The following ZNF804B variants were observed in gnomAD, a reference collection of about 807,000 sequenced individuals.
ZNF804B encodes the protein zinc finger protein 804B, also known as zinc finger 804B.
Under a neutral mutation model 101.4 loss-of-function variants are expected in ZNF804B, and 80 were observed. That is an observed-to-expected ratio of 0.79 (90% confidence interval 0.66 to 0.95). The LOEUF (loss-of-function observed/expected upper bound fraction) is 0.95. ZNF804B is among the 40% of genes least tolerant of loss of function. The probability of loss-of-function intolerance (pLI) is 0.00; values close to 1 mark genes in which losing one functional copy is unlikely to be tolerated. For missense variants in ZNF804B, 1,673 were observed against 1,561.9 expected (o/e 1.07, Z -1.20); for synonymous variants, 622 against 558.8 (o/e 1.11, Z -1.59).
chr7:89,008,578 C>G (rs972996146), intron 1 of ZNF804B, among the ~76,000 whole-genome samples: 8 of 152,172 alleles, frequency 5.3e-5, no homozygotes, highest in African/African-American at 1.9e-4. Context: ...CTCACTGATT[C>G]CAGCACAGTT....
chr7:88,917,542 A>G (rs1376602886), intron 1 of ZNF804B, among the ~76,000 whole-genome samples: 1 of 152,180 alleles, frequency 6.6e-6, no homozygotes, highest in Non-Finnish European at 1.5e-5. Context: ...TCTTTTAAGT[A>G]TGTCTTTGGA....
At chr7:89,302,804 G>A (rs1054947326) in intron 2 of ZNF804B, among the ~76,000 whole-genome samples, 24 of 151,902 alleles carry the variant, frequency 1.6e-4, no homozygotes, top group Admixed American at 4.6e-4. Context: ...CACTGTAGCT[G>A]CATGAATATC....
intron 1 of ZNF804B, among the ~76,000 whole-genome samples, chr7:89,188,906 A>G (rs1788414831): frequency 6.6e-6 from 1 of 152,180 alleles, no homozygotes; most frequent in African/African-American, 2.4e-5. Flanking sequence ...TTACAAGGTG[A>G]TGATGTAGAA....
chr7:89,174,969 T>C (rs1319527015), intron 1 of ZNF804B, among the ~76,000 whole-genome samples: 1 of 152,100 alleles, frequency 6.6e-6, no homozygotes, highest in Admixed American at 6.5e-5. Context: ...TTGTTTGAGC[T>C]CCTTATATAT....
intron 1 of ZNF804B, among the ~76,000 whole-genome samples, chr7:88,923,431 G>T (rs1047798939): frequency 6.6e-6 from 1 of 152,116 alleles, no homozygotes; most frequent in African/African-American, 2.4e-5. Flanking sequence ...TGGAAAATAA[G>T]TCTATAATGT....
intron 1 of ZNF804B, among the ~76,000 whole-genome samples, chr7:89,056,776 C>T (rs1789300709): frequency 1.3e-5 from 2 of 152,106 alleles, no homozygotes; most frequent in Admixed American, 1.3e-4. Flanking sequence ...GGGGGAAACA[C>T]TATAACAAGA....
chr7:88,809,980 G>A (rs1790757399), intron 1 of ZNF804B, among the ~76,000 whole-genome samples: 1 of 152,092 alleles, frequency 6.6e-6, no homozygotes, highest in Non-Finnish European at 1.5e-5. Flanking sequence ...TGTTTTATAT[G>A]ACACAGGTAA....
chr7:88,829,871 A>G (rs1023793675), intron 1 of ZNF804B, among the ~76,000 whole-genome samples: 2 of 152,158 alleles, frequency 1.3e-5, no homozygotes, highest in African/African-American at 4.8e-5. Context: ...ACTGTTTGTA[A>G]TAGTATCATC....
At chr7:89,048,655 T>G (rs1789151989) in intron 1 of ZNF804B, among the ~76,000 whole-genome samples, 1 of 151,978 alleles carries the variant, frequency 6.6e-6, no homozygotes. Context: ...GCTAGTATTT[T>G]GAAAGATGGT....
intron 1 of ZNF804B, among the ~76,000 whole-genome samples, chr7:88,870,495 C>CG (rs1230177326): frequency 1.3e-5 from 2 of 151,562 alleles, no homozygotes; most frequent in African/African-American, 4.9e-5. Context: ...ATTAGAACTG[C>CG]ATCAGCTGAC....
chr7:88,806,627 G>GTGTGTGTGTA (rs917032857), intron 1 of ZNF804B, among the ~76,000 whole-genome samples: 1 of 151,964 alleles, frequency 6.6e-6, no homozygotes, highest in East Asian at 1.9e-4. Flanking sequence ...GTGTGTGTGT[G>GTGTGTGTGTA]TGTGTGTGTA....
In ZNF804B at chr7:89,218,278, G is replaced by T; in HGVS notation, c.232G>T (p.Asp78Tyr). Residue 78 changes from aspartate (D) to tyrosine (Y), a missense_variant, in exon 2 of 4, where the codon GAC becomes TAC. Physicochemically the swap from Asp to Tyr is radical, Grantham distance 160. Coordinates refer to ENST00000333190, the MANE Select transcript of ZNF804B (RefSeq NM_181646.5). ...GTTTGACAATCATATTAATTCTTAT[G>T]ACCATGCTCATAAGCAGGTAAGGCA... ...QEFDNHINSY[D>Y]HAHKQRLKEL... 1.2e-6 allele frequency: 2 copies of T among 1,613,554 alleles called. No homozygotes were observed. Among genetic ancestry groups the T allele is most frequent in the South Asian group, 2.2e-5 (2 of 90,964 alleles).
chr7:88,854,416 T>TTTCTTTCTTTCTTCCA (rs1791503711), intron 1 of ZNF804B, among the ~76,000 whole-genome samples: 3 of 81,032 alleles, frequency 3.7e-5, no homozygotes, highest in African/African-American at 1.4e-4. Flanking sequence ...TCTTTCTTCC[T>TTTCTTTCTTTCTTCCA]TTCTTTCTTT....
intron 1 of ZNF804B, among the ~76,000 whole-genome samples, chr7:89,071,776 A>T (rs111419610): frequency 3.6e-5 from 5 of 137,842 alleles, no homozygotes; most frequent in African/African-American, 1.5e-4. Context: ...ATGCACACAC[A>T]AATGTACACA....
At chr7:89,283,050 A>G (rs1447868292) in intron 2 of ZNF804B, among the ~76,000 whole-genome samples, 1 of 152,210 alleles carries the variant, frequency 6.6e-6, no homozygotes, top group African/African-American at 2.4e-5. Flanking sequence ...ACCAATCAGA[A>G]CATGAAATTA....
At chr7:88,846,336 G>GA (rs1461549345) in intron 1 of ZNF804B, among the ~76,000 whole-genome samples, 1 of 152,090 alleles carries the variant, frequency 6.6e-6, no homozygotes, top group Non-Finnish European at 1.5e-5. Flanking sequence ...GAATATTCAT[G>GA]AAAAAACAAT....
At chr7:88,966,685 T>A (rs936065600) in intron 1 of ZNF804B, among the ~76,000 whole-genome samples, 1 of 151,626 alleles carries the variant, frequency 6.6e-6, no homozygotes, top group Non-Finnish European at 1.5e-5. Context: ...CCTGTCTGTA[T>A]GTGAAGTTGA....
rs4728802 is a variant in ZNF804B at position 89,169,781 on chromosome 7, C to T, written c.109-48374C>T. On this transcript the variant is annotated intron_variant, in intron 1 of 3. Transcript: ENST00000333190. ...TAATTAGAAGTAACAAGTATAACTG[C>T]CACAAACAGGTTGGGGAAGAAATAT... Among the ~76,000 whole-genome samples, 6,704 of 152,070 alleles carry T rather than the reference C, an allele frequency of 0.044. 1,167 individuals are homozygous for T. In the East Asian group the frequency reaches 0.58, roughly 13 times the overall value.
chr7:89,275,493 T>C (rs187972650), intron 2 of ZNF804B, among the ~76,000 whole-genome samples: 1 of 151,998 alleles, frequency 6.6e-6, no homozygotes, highest in South Asian at 2.1e-4. Context: ...TTGAATCCAG[T>C]GCTGGCTAGA....
Sources: gnomAD v4.1 joint callset for allele counts (sites outside exome capture counted in the v4.1 genomes callset) on GRCh38, gnomAD v4.1.1 for gene constraint, MANE v1.5 for transcripts, NCBI Gene and HGNC (gene_info 2026-07-23, HGNC 2026-07-21) for gene names.